ZSCAN5A: variants seen among roughly 807,000 people sequenced by gnomAD.
The protein encoded by ZSCAN5A is zinc finger and SCAN domain containing 5A.
In ZSCAN5A, 12 loss-of-function variants were observed where a neutral mutation model predicts 23.7. The observed-to-expected ratio is 0.51, with a 90% CI of 0.32 to 0.82. ZSCAN5A has a LOEUF of 0.82. Among genes scored for constraint, ZSCAN5A ranks in the 40% least tolerant of loss-of-function variants. The pLI, the probability that ZSCAN5A is intolerant of heterozygous loss-of-function variation, is 0.03. For synonymous variants in ZSCAN5A, 257 were observed against 239.9 expected (o/e 1.07, Z -0.66); for missense variants, 597 against 617.9 (o/e 0.97, Z 0.36).
chr19:56,263,950 G>C (rs1022341439), intron 2 of ZSCAN5A, among the ~76,000 whole-genome samples: 1 of 149,604 alleles, frequency 6.7e-6, no homozygotes, highest in Non-Finnish European at 1.5e-5. Flanking sequence ...TATGTAAGAG[G>C]AAAATGAAGC....
At chr19:56,254,439 C>T (rs2036563165) in intron 2 of ZSCAN5A, among the ~76,000 whole-genome samples, 2 of 152,132 alleles carry the variant, frequency 1.3e-5, no homozygotes, top group African/African-American at 2.4e-5. Context: ...TCACAATGTC[C>T]TCCCTTTGGA....
At chr19:56,342,866 A>G in intron 2 of ZSCAN5A, 1 of 947,094 alleles carries the variant, frequency 1.1e-6, no homozygotes, top group Admixed American at 1.7e-5. Flanking sequence ...CCTGGATATC[A>G]TTGCACAGTA....
intron 2 of ZSCAN5A, chr19:56,320,919 C>T: frequency 1.3e-6 from 1 of 757,812 alleles, no homozygotes; most frequent in Non-Finnish European, 2.5e-6. Flanking sequence ...AGGAAAAGCC[C>T]AGCTGTTCTA....
At chr19:56,264,991 A>G (rs1001380906) in intron 2 of ZSCAN5A, among the ~76,000 whole-genome samples, 2 of 151,976 alleles carry the variant, frequency 1.3e-5, no homozygotes, top group African/African-American at 2.4e-5. Flanking sequence ...GTGTGGTGGC[A>G]GGCGCCTGTA....
intron 2 of ZSCAN5A, among the ~76,000 whole-genome samples, chr19:56,359,651 CT>C (rs1470558787): frequency 6.6e-6 from 1 of 152,180 alleles, no homozygotes; most frequent in East Asian, 1.9e-4. Context: ...GCCAATACCC[CT>C]GATGAACATC....
intron 2 of ZSCAN5A, chr19:56,299,724 C>T (rs896397539): frequency 3.9e-5 from 6 of 152,142 alleles, no homozygotes; most frequent in Non-Finnish European, 7.4e-5. Context: ...GTAAATGCTC[C>T]TTAGTTATTG....
chr19:56,277,855 C>A (rs1182350762), intron 2 of ZSCAN5A, among the ~76,000 whole-genome samples: 3 of 152,062 alleles, frequency 2.0e-5, no homozygotes, highest in African/African-American at 7.2e-5. Context: ...CACCACTGCA[C>A]AATTCATCCA....
At chr19:56,315,042 G>C (rs995691547), upstream of ZSCAN5A, 6 of 115,976 alleles carry the variant, frequency 5.2e-5, no homozygotes, top group South Asian at 2.7e-4. Flanking sequence ...ACTAGTGCAG[G>C]CATTTTATTC....
Position 56,228,417 on chromosome 19 carries a change from A to G in ZSCAN5A, c.-127-3244T>C, listed in dbSNP as rs185358383. ...AGGGCCATAGAGTCCATTTTACGTA[A>G]TCGGCGTTGATTATGGTTCCCACTG... On this transcript the variant is annotated intron_variant, in intron 2 of 5. Transcript: ENST00000683990. 2.4e-4 allele frequency: 233 copies of G among 985,358 alleles called. 1 individual carries two copies. The African/African-American group carries it at 3.8e-3, about 16-fold the overall frequency. The allele number at this position is 985,358 out of a possible 1,614,324, so 61.0% of individuals were successfully genotyped here.
chr19:56,243,899 G>A, intron 2 of ZSCAN5A: 1 of 505,752 alleles, frequency 2.0e-6, no homozygotes, highest in African/African-American at 1.9e-5. Context: ...ACTTTGATCG[G>A]GCTCATGTTT....
chr19:56,269,341 T>C (rs2037685253), intron 2 of ZSCAN5A, among the ~76,000 whole-genome samples: 1 of 152,192 alleles, frequency 6.6e-6, no homozygotes, highest in African/African-American at 2.4e-5. Context: ...ATGATAATAA[T>C]TGTTGCTATC....
chr19:56,359,478 C>T (rs535428202), intron 2 of ZSCAN5A, among the ~76,000 whole-genome samples: 3 of 152,306 alleles, frequency 2.0e-5, no homozygotes, highest in Admixed American at 2.0e-4. Context: ...GATGGATTTA[C>T]AGCTGAATTC....
chr19:56,273,083 G>T (rs1331207810), intron 2 of ZSCAN5A, among the ~76,000 whole-genome samples: 1 of 152,192 alleles, frequency 6.6e-6, no homozygotes, highest in East Asian at 1.9e-4. Context: ...GGGTGAATGA[G>T]TCTAGGTTGC....
intron 2 of ZSCAN5A, among the ~76,000 whole-genome samples, chr19:56,268,149 G>A (rs2037602160): frequency 6.6e-6 from 1 of 152,208 alleles, no homozygotes; most frequent in African/African-American, 2.4e-5. Context: ...TGGAGAGCCA[G>A]CCAGAGCCCA....
intron 2 of ZSCAN5A, among the ~76,000 whole-genome samples, chr19:56,253,326 G>T (rs2036484443): frequency 6.6e-6 from 1 of 152,010 alleles, no homozygotes; most frequent in African/African-American, 2.4e-5. Flanking sequence ...AGGTGGGCAG[G>T]GAGGAGGGGT....
intron 2 of ZSCAN5A, among the ~76,000 whole-genome samples, chr19:56,230,616 T>TAC (rs1491333056): frequency 2.5e-4 from 1 of 3,970 alleles, no homozygotes; most frequent in Non-Finnish European, 5.7e-4. Context: ...TATTTCTTGA[T>TAC]GTGTGTGTGT....
chr19:56,292,985 A>C (rs537937009), intron 2 of ZSCAN5A, among the ~76,000 whole-genome samples: 6 of 152,122 alleles, frequency 3.9e-5, no homozygotes, highest in Non-Finnish European at 8.8e-5. Flanking sequence ...TTTTGGGTTG[A>C]TTCTACCTTT....
At chr19:56,251,209 C>T (rs1052989796) in intron 2 of ZSCAN5A, among the ~76,000 whole-genome samples, 4 of 151,606 alleles carry the variant, frequency 2.6e-5, no homozygotes, top group East Asian at 1.9e-4. Context: ...TGTTACCCTC[C>T]GTACTTCAGG....
chr19:56,307,288 G>A (rs1286820018), intron 2 of ZSCAN5A, among the ~76,000 whole-genome samples: 1 of 152,042 alleles, frequency 6.6e-6, no homozygotes, highest in East Asian at 1.9e-4. Flanking sequence ...ATGTCAACTC[G>A]ATCATACGAT....
Sources: allele counts gnomAD v4.1 joint callset (sites outside exome capture counted in the v4.1 genomes callset), GRCh38; gene constraint gnomAD v4.1.1; transcripts MANE v1.5; gene names NCBI Gene and HGNC (gene_info 2026-07-23, HGNC 2026-07-21).